SEC24D: variants seen among roughly 807,000 people sequenced by gnomAD.
SEC24D encodes protein transport protein Sec24D.
Under a neutral mutation model 116.9 loss-of-function variants are expected in SEC24D, and 69 were observed. The observed-to-expected ratio is 0.59, with a 90% confidence interval of 0.49 to 0.72. The LOEUF (loss-of-function observed/expected upper bound fraction) is 0.72. Ranked by LOEUF, SEC24D falls within the 30% of genes least tolerant of loss-of-function variation. The pLI is 0.00. For synonymous variants in SEC24D, 405 were observed against 442.8 expected (o/e 0.91, Z 1.07); for missense variants, 1,131 against 1,264.1 (o/e 0.89, Z 1.60).
intron 19 of SEC24D, among the ~76,000 whole-genome samples, chr4:118,733,973 C>T (rs7695602): frequency 0.29 from 43,335 of 151,324 alleles, 7,101 homozygotes; most frequent in Non-Finnish European, 0.37. Flanking sequence ...AGGAACACAA[C>T]CTGATGATTT....
At chr4:118,787,177 G>A (rs141714351) in intron 8 of SEC24D, among the ~76,000 whole-genome samples, 2 of 152,292 alleles carry the variant, frequency 1.3e-5, no homozygotes, top group East Asian at 3.9e-4. Flanking sequence ...CTTAAGAGAT[G>A]AGATTCAGTT....
chr4:118,815,407 C>T (rs1730097505), intron 5 of SEC24D, 44 bp downstream of exon 5: 1 of 1,599,508 alleles, frequency 6.3e-7, no homozygotes, highest in Non-Finnish European at 8.6e-7. Flanking sequence ...TTAAGGGTTC[C>T]CCTGGGTAAC....
intron 8 of SEC24D, among the ~76,000 whole-genome samples, chr4:118,771,785 T>G (rs1426182147): frequency 6.6e-6 from 1 of 152,212 alleles, no homozygotes; most frequent in Admixed American, 6.5e-5. Context: ...TTTGAATACA[T>G]TATCAGTTTT....
At position 118,768,185 on chromosome 4, in the gene SEC24D, A is replaced by G. The variant is rs892785399; in HGVS notation, c.1168T>C (p.Cys390Arg). 1.4e-5 allele frequency: 22 copies of G among 1,613,336 alleles called. No individual in the cohort carries two copies. The highest frequency in any genetic ancestry group is 5.0e-5 in the Admixed American group (3 of 59,868). ...GRRYQCGFCN[C>R]VNDVPPFYFQ... ...TGGCACTGCTTACCATCATTCACAC[A>G]GTTGCAAAATCCACACTGATATCTC... Residue 390 changes from cysteine (C) to arginine (R), a missense_variant, in exon 9 of 23, where the codon TGT becomes CGT. Transcript: ENST00000280551.
chr4:118,740,067 G>A (rs1726153085), intron 17 of SEC24D, among the ~76,000 whole-genome samples: 1 of 152,146 alleles, frequency 6.6e-6, no homozygotes, highest in African/African-American at 2.4e-5. Context: ...GAGTTCATTA[G>A]AGTGCACCCT....
intron 15 of SEC24D, 124 bp from the exon 16 acceptor site, chr4:118,741,161 T>C (rs1726208711): frequency 1.9e-6 from 1 of 531,238 alleles, no homozygotes; most frequent in East Asian, 3.1e-5. Context: ...ATTTTTTTAT[T>C]ATATATTATG....
At chr4:118,786,916 C>T (rs1446277965) in intron 8 of SEC24D, among the ~76,000 whole-genome samples, 2 of 152,078 alleles carry the variant, frequency 1.3e-5, no homozygotes, top group Non-Finnish European at 2.9e-5. Context: ...TGAAGTTGTT[C>T]CCCATTTAAT....
At chr4:118,732,052 G>A (rs1399930318) in intron 20 of SEC24D, among the ~76,000 whole-genome samples, 1 of 152,114 alleles carries the variant, frequency 6.6e-6, no homozygotes, top group South Asian at 2.1e-4. Flanking sequence ...AGGGGAGGGC[G>A]GGGCACACAG....
intron 11 of SEC24D, among the ~76,000 whole-genome samples, chr4:118,753,519 C>G (rs1192515747): frequency 6.6e-6 from 1 of 151,410 alleles, no homozygotes; most frequent in East Asian, 1.9e-4. Flanking sequence ...ATGGTCATGG[C>G]AAAGCACTAA....
chr4:118,804,834 G>A lies in SEC24D; in HGVS notation c.913+1009C>T, dbSNP rs76974247. On this transcript the variant is annotated intron_variant, in intron 7 of 22. Transcript: ENST00000280551. Reference sequence around the variant, plus strand: ...CCTATAATTTACATGAAACCCTTCTGTGTATTGAGCCCTCTATACACATAT... The same window carrying A: ...CCTATAATTTACATGAAACCCTTCTATGTATTGAGCCCTCTATACACATAT... Among the ~76,000 whole-genome samples the A allele has an allele frequency of 4.8e-3, 730 of 150,784 alleles. 4 individuals carry two copies. Among genetic ancestry groups the A allele is most frequent in the African/African-American group, 0.016 (674 of 41,030 alleles).
At chr4:118,821,386 A>C (rs1481226176) in intron 3 of SEC24D, among the ~76,000 whole-genome samples, 2 of 152,206 alleles carry the variant, frequency 1.3e-5, no homozygotes, top group African/African-American at 4.8e-5. Context: ...ACTGATTTTT[A>C]GGTTGCAGAT....
intron 7 of SEC24D, among the ~76,000 whole-genome samples, chr4:118,804,389 T>A (rs541343917): frequency 1.1e-4 from 17 of 152,132 alleles, no homozygotes; most frequent in African/African-American, 3.1e-4. Context: ...GACGATGAGA[T>A]TGGTATATGA....
chr4:118,823,125 C>T (rs1415801238), intron 3 of SEC24D, among the ~76,000 whole-genome samples: 2 of 152,108 alleles, frequency 1.3e-5, no homozygotes, highest in South Asian at 2.1e-4. Context: ...TTTGGTTCTC[C>T]GTCTTTTTGC....
At chr4:118,763,247 A>G (rs1727472189) in intron 10 of SEC24D, among the ~76,000 whole-genome samples, 1 of 152,218 alleles carries the variant, frequency 6.6e-6, no homozygotes, top group African/African-American at 2.4e-5. Context: ...TCTTAAACTA[A>G]TAAAGCATCA....
At chr4:118,813,163 G>T (rs903082002) in intron 6 of SEC24D, among the ~76,000 whole-genome samples, 8 of 152,178 alleles carry the variant, frequency 5.3e-5, no homozygotes, top group African/African-American at 1.9e-4. Flanking sequence ...TTTTGAGACA[G>T]ACACCCAGAG....
intron 4 of SEC24D, 55 bp from the exon 5 acceptor site, chr4:118,815,781 C>T (rs901628033): frequency 8.9e-6 from 14 of 1,580,990 alleles, no homozygotes; most frequent in Non-Finnish European, 9.5e-6. Context: ...AACTCTCTGA[C>T]TTCTGCAAAG....
At chr4:118,725,427 C>A (rs1725359880) in intron 22 of SEC24D, among the ~76,000 whole-genome samples, 1 of 152,170 alleles carries the variant, frequency 6.6e-6, no homozygotes, top group South Asian at 2.1e-4. Context: ...TACTATTGTC[C>A]ATGATTGGTA....
intron 8 of SEC24D, among the ~76,000 whole-genome samples, chr4:118,785,184 C>G (rs1728616499): frequency 6.6e-6 from 1 of 152,104 alleles, no homozygotes; most frequent in Non-Finnish European, 1.5e-5. Flanking sequence ...TTGAATACAA[C>G]AAGCTCAATA....
Position 118,764,832 on chromosome 4 carries a change from A to T in SEC24D, c.1266T>A (p.Tyr422Ter). 3 of 1,606,350 alleles carry T rather than the reference A, an allele frequency of 1.9e-6. No homozygotes were observed. The highest frequency in any genetic ancestry group is 2.6e-6 in the Non-Finnish European group (3 of 1,173,250). The change falls in exon 10 of 23, where the codon TAT (tyrosine) becomes TAA (stop). Residue 422 changes from tyrosine (Y) to a stop codon, truncating the protein, a stop_gained. Transcript: ENST00000280551. LOFTEE classifies it high-confidence loss of function. ...YEKPELSLGS[Y>*]EYVATLDYCR... ...AATAATCCAAAGTGGCAACATATTC[A>T]TAAGATCCTAGAGATAACTCTGGTT...
Sources: allele counts gnomAD v4.1 joint callset (sites outside exome capture counted in the v4.1 genomes callset), GRCh38; gene constraint gnomAD v4.1.1; transcripts MANE v1.5; gene names NCBI Gene and HGNC (gene_info 2026-07-23, HGNC 2026-07-21).